The following TBC1D22A variants were observed in gnomAD, a reference collection of about 807,000 sequenced individuals.
TBC1D22A encodes putative GTPase activator.
A neutral mutation model predicts 60.2 loss-of-function variants in TBC1D22A; 38 were observed. That is an observed-to-expected ratio of 0.63 (90% CI 0.49 to 0.83). TBC1D22A has a LOEUF of 0.83. Ranked by LOEUF, TBC1D22A falls within the 40% of genes least tolerant of loss-of-function variation. TBC1D22A has a pLI of 0.00. For synonymous variants in TBC1D22A, 302 were observed against 281.7 expected (o/e 1.07, Z -0.72); for missense variants, 628 against 701.0 (o/e 0.90, Z 1.18).
chr22:46,788,803 C>CT lies in TBC1D22A; in HGVS notation c.63-3709dup, dbSNP rs1056678100. Among the ~76,000 whole-genome samples the CT allele has an allele frequency of 1.6e-3, 249 of 152,104 alleles. 1 individual carries two copies. The highest frequency in any genetic ancestry group is 5.5e-3 in the African/African-American group (229 of 41,502). On this transcript the variant is annotated intron_variant, in intron 1 of 12. Coordinates refer to ENST00000337137, the MANE Select transcript of TBC1D22A (RefSeq NM_014346.5). ...GAAATCATATATTTCTCCTTATTGG[C>CT]TTTTTTTTGGGAAGGAGAAGTCATA...
At chr22:46,792,461 G>A (rs2084455119) in intron 1 of TBC1D22A, 59 bp from the exon 2 acceptor site, 1 of 1,611,494 alleles carries the variant, frequency 6.2e-7, no homozygotes, top group South Asian at 1.1e-5. Context: ...CTGAGCTGGT[G>A]GAGGGCTCTT....
intron 8 of TBC1D22A, among the ~76,000 whole-genome samples, chr22:46,917,527 C>T (rs1318157931): frequency 1.3e-5 from 2 of 152,054 alleles, no homozygotes; most frequent in Admixed American, 6.6e-5. Flanking sequence ...GGTGTGGTGC[C>T]GTTTACCAGG....
chr22:46,968,361 C>T (rs1055737203), intron 8 of TBC1D22A, among the ~76,000 whole-genome samples: 5 of 152,362 alleles, frequency 3.3e-5, no homozygotes, highest in Admixed American at 6.5e-5. Flanking sequence ...TCCTTACCTG[C>T]GCAGCGTGGC....
chr22:47,099,539 G>A (rs1005596857), intron 11 of TBC1D22A, among the ~76,000 whole-genome samples: 3 of 151,476 alleles, frequency 2.0e-5, no homozygotes, highest in Admixed American at 6.6e-5. Flanking sequence ...TCTGCCTCCC[G>A]GGTTCAAGCA....
chr22:47,124,245 T>C (rs1040579206), intron 12 of TBC1D22A, among the ~76,000 whole-genome samples: 7 of 151,636 alleles, frequency 4.6e-5, no homozygotes, highest in African/African-American at 1.7e-4. Context: ...TGCAGGAAGG[T>C]TGGGGATGGG....
intron 8 of TBC1D22A, among the ~76,000 whole-genome samples, chr22:46,946,060 G>A (rs918500360): frequency 1.3e-5 from 2 of 152,202 alleles, no homozygotes; most frequent in Admixed American, 1.3e-4. Context: ...GCACAGTATT[G>A]GCTCTTATCG....
chr22:47,088,543 A>G (rs1254413822), intron 11 of TBC1D22A, among the ~76,000 whole-genome samples: 2 of 152,226 alleles, frequency 1.3e-5, no homozygotes, highest in Non-Finnish European at 2.9e-5. Context: ...TAGGGCACCA[A>G]CTGGTATATA....
chr22:47,119,560 G>T (rs577064008), intron 12 of TBC1D22A, among the ~76,000 whole-genome samples: 49 of 151,766 alleles, frequency 3.2e-4, no homozygotes, highest in Admixed American at 3.1e-3. Flanking sequence ...ACAGTGGGGC[G>T]ATCTCGGCTC....
At chr22:46,913,328 T>G (rs1435883680) in intron 8 of TBC1D22A, 1 of 1,366,008 alleles carries the variant, frequency 7.3e-7, no homozygotes, top group Non-Finnish European at 9.8e-7. Context: ...TACATGGTGT[T>G]TTTAGCCTTT....
chr22:47,014,999 C>T (rs908155191), intron 10 of TBC1D22A, among the ~76,000 whole-genome samples: 2 of 152,238 alleles, frequency 1.3e-5, no homozygotes, highest in African/African-American at 2.4e-5. Context: ...CCTGTGCACA[C>T]ACCTGCACAG....
intron 9 of TBC1D22A, among the ~76,000 whole-genome samples, chr22:46,996,367 C>G (rs2075122394): frequency 6.6e-6 from 1 of 152,272 alleles, no homozygotes; most frequent in Non-Finnish European, 1.5e-5. Context: ...GGGCCAGAGG[C>G]CCTGTGTGCT....
At chr22:46,943,934 T>G (rs914161704) in intron 8 of TBC1D22A, among the ~76,000 whole-genome samples, 1 of 152,238 alleles carries the variant, frequency 6.6e-6, no homozygotes, top group African/African-American at 2.4e-5. Context: ...AGACCACGTC[T>G]TGTTTATCCA....
At chr22:47,148,532 C>CCCTTCCCTGGAGT (rs1358769257) in intron 12 of TBC1D22A, among the ~76,000 whole-genome samples, 1 of 151,648 alleles carries the variant, frequency 6.6e-6, no homozygotes, top group East Asian at 1.9e-4. Context: ...TGAACAGAGT[C>CCCTTCCCTGGAGT]CCCTCCCTGG....
intron 10 of TBC1D22A, among the ~76,000 whole-genome samples, chr22:46,998,943 T>C (rs1473828754): frequency 4.6e-5 from 7 of 152,262 alleles, no homozygotes; most frequent in Non-Finnish European, 4.4e-5. Flanking sequence ...CTGCCAGCAC[T>C]TTCACAAGCA....
intron 5 of TBC1D22A, among the ~76,000 whole-genome samples, chr22:46,879,274 C>T (rs147241801): frequency 4.0e-5 from 6 of 151,746 alleles, no homozygotes; most frequent in East Asian, 1.9e-4. Context: ...GCTCAGCTGC[C>T]GGTCTGGAAG....
chr22:46,905,492 T>TAGCC (rs1283763422), intron 7 of TBC1D22A, among the ~76,000 whole-genome samples: 2 of 152,132 alleles, frequency 1.3e-5, no homozygotes, highest in Non-Finnish European at 1.5e-5. Flanking sequence ...GTGTCCTGAG[T>TAGCC]AGCCATCCCC....
chr22:46,850,452 TA>T (rs996198931), intron 4 of TBC1D22A, among the ~76,000 whole-genome samples: 1 of 152,242 alleles, frequency 6.6e-6, no homozygotes, highest in African/African-American at 2.4e-5. Context: ...TATCCCATTC[TA>T]AAAATGTTCC....
chr22:46,870,129 C>T (rs1387137438), intron 4 of TBC1D22A, among the ~76,000 whole-genome samples: 1 of 152,168 alleles, frequency 6.6e-6, no homozygotes. Flanking sequence ...AATTATGTGA[C>T]TTAAGCAAGG....
intron 10 of TBC1D22A, among the ~76,000 whole-genome samples, chr22:47,008,281 G>A (rs1169393859): frequency 6.6e-6 from 1 of 152,078 alleles, no homozygotes; most frequent in East Asian, 1.9e-4. Flanking sequence ...GTGTGCTGTG[G>A]GTTGAGGATG....
Sources: gnomAD v4.1 joint callset for allele counts (sites outside exome capture counted in the v4.1 genomes callset) on GRCh38, gnomAD v4.1.1 for gene constraint, MANE v1.5 for transcripts, NCBI Gene and HGNC (gene_info 2026-07-23, HGNC 2026-07-21) for gene names.